Variants in NDC1 observed in about 807,000 individuals in gnomAD.
NDC1 encodes nucleoporin NDC1.
In NDC1, 24 loss-of-function variants were observed where a neutral mutation model predicts 89.8. The observed-to-expected ratio is 0.27, with a 90% CI of 0.19 to 0.38. The LOEUF is 0.38. Ranked by LOEUF, NDC1 falls within the 10% of genes least tolerant of loss-of-function variation. NDC1 has a pLI of 1.00. For synonymous variants in NDC1, 296 were observed against 284.8 expected, an observed-to-expected ratio of 1.04 and a Z score of -0.39; for missense variants, 728 against 797.6, an observed-to-expected ratio of 0.91 and a Z score of 1.05.
At chr1:53,832,132 C>T (rs993959711) in intron 3 of NDC1, among the ~76,000 whole-genome samples, 7 of 152,042 alleles carry the variant, frequency 4.6e-5, no homozygotes, top group African/African-American at 1.7e-4. Flanking sequence ...CCACTACCAC[C>T]ATCCAGCTCC....
At chr1:53,770,034 A>C (rs1647098837) in intron 17 of NDC1, among the ~76,000 whole-genome samples, 1 of 152,120 alleles carries the variant, frequency 6.6e-6, no homozygotes, top group Non-Finnish European at 1.5e-5. Flanking sequence ...AGATATTTTA[A>C]CTCCAGATCT....
intron 10 of NDC1, among the ~76,000 whole-genome samples, chr1:53,801,900 G>A (rs1647932918): frequency 6.6e-6 from 1 of 152,102 alleles, no homozygotes; most frequent in Non-Finnish European, 1.5e-5. Context: ...GGGATTATAG[G>A]TGTGCAACAC....
At chr1:53,796,191 C>A (rs975176442) in intron 13 of NDC1, among the ~76,000 whole-genome samples, 2 of 152,178 alleles carry the variant, frequency 1.3e-5, no homozygotes, top group African/African-American at 4.8e-5. Context: ...AGACTTATAT[C>A]AAATTTCTTC....
chr1:53,788,085 C>A (rs1446649569), intron 15 of NDC1, among the ~76,000 whole-genome samples: 1 of 152,092 alleles, frequency 6.6e-6, no homozygotes, highest in East Asian at 1.9e-4. Context: ...ATAAAAGAAT[C>A]CAGGCTCAAC....
At chr1:53,810,870 C>T (rs1648280958) in intron 6 of NDC1, among the ~76,000 whole-genome samples, 1 of 152,220 alleles carries the variant, frequency 6.6e-6, no homozygotes, top group African/African-American at 2.4e-5. Context: ...AACAAACCAG[C>T]AATCACAAGA....
At chr1:53,816,019 C>T (rs1648462906) in intron 6 of NDC1, among the ~76,000 whole-genome samples, 1 of 152,174 alleles carries the variant, frequency 6.6e-6, no homozygotes, top group Non-Finnish European at 1.5e-5. Context: ...AATGACCATA[C>T]TGCCAAAAGC....
chr1:53,831,236 T>C (rs1649057285), intron 3 of NDC1, among the ~76,000 whole-genome samples: 1 of 151,230 alleles, frequency 6.6e-6, no homozygotes, highest in African/African-American at 2.4e-5. Flanking sequence ...AAAATGATAA[T>C]AATAATAAAA....
intron 10 of NDC1, among the ~76,000 whole-genome samples, chr1:53,802,644 A>C (rs1647961655): frequency 6.6e-6 from 1 of 152,100 alleles, no homozygotes; most frequent in Non-Finnish European, 1.5e-5. Context: ...ATGACACTGT[A>C]CTCCAGCCTG....
At chr1:53,809,079 G>A (rs551526701) in intron 7 of NDC1, among the ~76,000 whole-genome samples, 1 of 152,268 alleles carries the variant, frequency 6.6e-6, no homozygotes, top group East Asian at 1.9e-4. Context: ...TGCCACTTGT[G>A]ACCTTCAACT....
intron 3 of NDC1, among the ~76,000 whole-genome samples, chr1:53,828,595 ATTTATTTTATTTTAT>A (rs201396911): frequency 6.0e-5 from 9 of 150,774 alleles, no homozygotes; most frequent in Admixed American, 6.0e-4. Flanking sequence ...TTATTTATTT[ATTTATTTTATTTTAT>A]TTTATTTTAT....
intron 9 of NDC1, among the ~76,000 whole-genome samples, 163 bp from the exon 10 acceptor site, chr1:53,804,172 T>C (rs1416138230): frequency 1.3e-5 from 2 of 152,144 alleles, no homozygotes; most frequent in African/African-American, 2.4e-5. Context: ...TTCCAGAACT[T>C]TCCTGCCTCT....
chr1:53,806,366 A>G (rs1648108098), intron 9 of NDC1, 59 bp downstream of exon 9: 6 of 1,063,818 alleles, frequency 5.6e-6, no homozygotes, highest in Non-Finnish European at 8.1e-6. Flanking sequence ...ACTAAATATT[A>G]AGTGTATTGA....
chr1:53,791,994 C>G (rs1260129885), intron 14 of NDC1, among the ~76,000 whole-genome samples: 1 of 151,352 alleles, frequency 6.6e-6, no homozygotes. Context: ...CCAGGCCGGA[C>G]TCCAGTGGCT....
intron 13 of NDC1, among the ~76,000 whole-genome samples, chr1:53,794,791 C>G (rs539963210): frequency 6.6e-6 from 1 of 152,232 alleles, no homozygotes; most frequent in East Asian, 1.9e-4. Context: ...GGGAGGATCA[C>G]TTGAGCCCGG....
intron 1 of NDC1, 133 bp downstream of exon 1, chr1:53,838,072 T>G: frequency 3.9e-6 from 3 of 778,228 alleles, no homozygotes; most frequent in South Asian, 3.4e-5. Context: ...GTCCCCCAAG[T>G]GGTGCCTTCC....
rs371524863 is a variant in NDC1 at position 53,771,876 on chromosome 1, T to G, written c.1961+453A>C. Among the ~76,000 whole-genome samples, 59 of 152,268 alleles carry G rather than the reference T, an allele frequency of 3.9e-4. No homozygotes were observed. In the East Asian group the frequency reaches 9.1e-3, roughly 23 times the overall value. Reference sequence around the variant, plus strand: ...CTCTCTGGTTCTGTTTCTCAAGGTGTTGTGATCTGTTGGTGTTTTTCCAGC... The same window carrying G: ...CTCTCTGGTTCTGTTTCTCAAGGTGGTGTGATCTGTTGGTGTTTTTCCAGC... On this transcript the variant is annotated intron_variant, in intron 17 of 17. Transcript: ENST00000371429.
chr1:53,818,105 A>T (rs889532263), intron 6 of NDC1, among the ~76,000 whole-genome samples: 1 of 152,160 alleles, frequency 6.6e-6, no homozygotes, highest in Non-Finnish European at 1.5e-5. Context: ...AAAAGAATGC[A>T]TTTGTTTTTA....
chr1:53,819,052 A>T lies in NDC1; in HGVS notation c.622T>A (p.Ser208Thr), dbSNP rs1390272312. The change falls in exon 6 of 18, where the codon TCT becomes ACT. Residue 208 changes from serine (S) to threonine (T), a missense_variant. Coordinates refer to ENST00000371429, the MANE Select transcript of NDC1 (RefSeq NM_018087.5). ...QQYKFLRFRRSLLLLVKHSCV... is the reference protein window; with the variant it reads ...QQYKFLRFRRTLLLLVKHSCV... ...CTGTGTTTAACTAATAAGAGCAGAG[A>T]TCTCCTAAAACGCAAGAACTTGTAT... The T allele has an allele frequency of 1.3e-6, 2 of 1,579,008 alleles. No homozygotes were observed. Among genetic ancestry groups the T allele is most frequent in the Non-Finnish European group, 1.7e-6 (2 of 1,163,182 alleles).
chr1:53,804,086 T>C, intron 9 of NDC1, 77 bp from the exon 10 acceptor site: 2 of 997,170 alleles, frequency 2.0e-6, no homozygotes, highest in Non-Finnish European at 3.1e-6. Context: ...GGTTCATCAT[T>C]ATATATCCAA....
Sources: allele counts gnomAD v4.1 joint callset (sites outside exome capture counted in the v4.1 genomes callset), GRCh38; gene constraint gnomAD v4.1.1; transcripts MANE v1.5; gene names NCBI Gene and HGNC (gene_info 2026-07-23, HGNC 2026-07-21).